Variants in CYP2J2 observed in about 807,000 individuals in gnomAD.
CYP2J2 encodes the protein cytochrome P450 2J2.
A neutral mutation model predicts 48.8 loss-of-function variants in CYP2J2; 41 were observed. That is an observed-to-expected ratio of 0.84 (90% CI 0.66 to 1.09). The LOEUF is 1.09. Among genes scored for constraint, CYP2J2 ranks in the 50% least tolerant of loss-of-function variants. The pLI, the probability that CYP2J2 is intolerant of heterozygous loss-of-function variation, is 0.00. For missense variants in CYP2J2, 644 were observed against 617.3 expected (o/e 1.04, Z -0.46); for synonymous variants, 221 against 227.1 (o/e 0.97, Z 0.24).
chr1:59,898,816 G>T (rs1034808041), intron 8 of CYP2J2, among the ~76,000 whole-genome samples: 3 of 152,134 alleles, frequency 2.0e-5, no homozygotes, highest in Non-Finnish European at 4.4e-5. Context: ...TAATAACTGG[G>T]CTGTTGTAAT....
the CYP2J2 span, among the ~76,000 whole-genome samples, chr1:59,958,332 TC>T: frequency 6.6e-6 from 1 of 152,194 alleles, no homozygotes; most frequent in Non-Finnish European, 1.5e-5. Context: ...CAGTTTATTA[TC>T]AACAAAATTT....
chr1:59,929,588 A>C (rs1644593149), upstream of CYP2J2, among the ~76,000 whole-genome samples: 1 of 152,260 alleles, frequency 6.6e-6, no homozygotes. Flanking sequence ...ATTATAAAAA[A>C]GTGGAATTTT....
At chr1:59,923,332 T>C (rs1303439029) in intron 1 of CYP2J2, among the ~76,000 whole-genome samples, 1 of 152,206 alleles carries the variant, frequency 6.6e-6, no homozygotes, top group Non-Finnish European at 1.5e-5. Context: ...AGAATCTAAA[T>C]AGGCTATATG....
At chr1:59,915,416 C>A (rs1214124708) in intron 2 of CYP2J2, among the ~76,000 whole-genome samples, 1 of 152,120 alleles carries the variant, frequency 6.6e-6, no homozygotes, top group Admixed American at 6.6e-5. Context: ...ATTTTCATTT[C>A]AATTTTTAAA....
the CYP2J2 span, among the ~76,000 whole-genome samples, chr1:59,953,635 AAGTGGCATTTG>A: frequency 1.3e-5 from 2 of 151,758 alleles, no homozygotes; most frequent in Non-Finnish European, 2.9e-5. Context: ...CTCTGTGGGG[AAGTGGCATTTG>A]AATGGAGATC....
intron 2 of CYP2J2, among the ~76,000 whole-genome samples, chr1:59,915,706 T>C (rs1006799772): frequency 1.3e-5 from 2 of 152,188 alleles, no homozygotes; most frequent in African/African-American, 4.8e-5. Flanking sequence ...AGAGTAGGTT[T>C]GGGCAGGGCA....
At chr1:59,913,525 A>G (rs1168900826) in intron 2 of CYP2J2, among the ~76,000 whole-genome samples, 2 of 152,080 alleles carry the variant, frequency 1.3e-5, no homozygotes, top group African/African-American at 2.4e-5. Flanking sequence ...AATACCTTAT[A>G]CTCTTCTAAG....
the CYP2J2 span, among the ~76,000 whole-genome samples, chr1:59,935,021 T>TATATATATATATGTATATATATATAC: frequency 2.1e-5 from 1 of 48,146 alleles, no homozygotes; most frequent in Non-Finnish European, 4.4e-5. Flanking sequence ...TATACATATA[T>TATATATATATATGTATATATATATAC]ATATATATAT....
At chr1:59,907,383 G>A (rs1644373713) in intron 6 of CYP2J2, among the ~76,000 whole-genome samples, 1 of 152,194 alleles carries the variant, frequency 6.6e-6, no homozygotes, top group Non-Finnish European at 1.5e-5. Flanking sequence ...ACAGGCAGAA[G>A]GGGCATATCG....
At chr1:59,896,110 A>T (rs1644266432) in intron 8 of CYP2J2, among the ~76,000 whole-genome samples, 1 of 152,148 alleles carries the variant, frequency 6.6e-6, no homozygotes, top group Non-Finnish European at 1.5e-5. Context: ...CCCTGGAATC[A>T]GCCATTTTTT....
chr1:59,948,800 A>G, the CYP2J2 span, among the ~76,000 whole-genome samples: 1 of 152,214 alleles, frequency 6.6e-6, no homozygotes, highest in Non-Finnish European at 1.5e-5. Flanking sequence ...ATTTTTTTTC[A>G]GCATCCTGAT....
At chr1:59,943,251 T>C in the CYP2J2 span, among the ~76,000 whole-genome samples, 1 of 152,148 alleles carries the variant, frequency 6.6e-6, no homozygotes, top group Non-Finnish European at 1.5e-5. Context: ...TGAAAGACTC[T>C]TAGATCTGCC....
intron 2 of CYP2J2, among the ~76,000 whole-genome samples, chr1:59,915,130 A>G (rs1489035671): frequency 6.6e-6 from 1 of 152,168 alleles, no homozygotes; most frequent in Non-Finnish European, 1.5e-5. Context: ...CCTTCTCCCC[A>G]CTATCACTCT....
the CYP2J2 span, among the ~76,000 whole-genome samples, chr1:59,952,848 T>C: frequency 6.6e-6 from 1 of 152,146 alleles, no homozygotes; most frequent in Admixed American, 6.6e-5. Context: ...CCTCTACCTA[T>C]CTTTTGTTTG....
chr1:59,903,501 A>G (rs1370740457), intron 7 of CYP2J2, among the ~76,000 whole-genome samples: 1 of 152,188 alleles, frequency 6.6e-6, no homozygotes, highest in Admixed American at 6.5e-5. Context: ...AAAGATAGGA[A>G]CAATAGACAC....
intron 6 of CYP2J2, among the ~76,000 whole-genome samples, chr1:59,906,022 TAAAAATAC>T (rs1040354857): frequency 4.6e-5 from 7 of 152,004 alleles, no homozygotes; most frequent in African/African-American, 1.7e-4. Context: ...CCATCTCTAC[TAAAAATAC>T]AAAAAATTAG....
At chr1:59,893,950 G>T (rs1644247198) in intron 8 of CYP2J2, 121 bp from the exon 9 acceptor site, 1 of 890,202 alleles carries the variant, frequency 1.1e-6, no homozygotes, top group South Asian at 2.0e-5. Context: ...TAGGCCCCAG[G>T]GTGTTATGGC....
At chr1:59,917,542 C>T (rs766674106) in intron 1 of CYP2J2, among the ~76,000 whole-genome samples, 14 of 152,136 alleles carry the variant, frequency 9.2e-5, no homozygotes, top group African/African-American at 1.9e-4. Flanking sequence ...AAGACGTGAG[C>T]CCAAGATGGC....
the CYP2J2 span, among the ~76,000 whole-genome samples, chr1:59,967,713 T>A: frequency 6.6e-6 from 1 of 152,250 alleles, no homozygotes; most frequent in Non-Finnish European, 1.5e-5. Context: ...TCATTTCATG[T>A]CCCTATCTCA....
Sources: allele counts gnomAD v4.1 joint callset (sites outside exome capture counted in the v4.1 genomes callset), GRCh38; gene constraint gnomAD v4.1.1; transcripts MANE v1.5; gene names NCBI Gene and HGNC (gene_info 2026-07-23, HGNC 2026-07-21).